CACNA2D3: variants seen among roughly 807,000 people sequenced by gnomAD.
CACNA2D3 encodes calcium voltage-gated channel auxiliary subunit alpha2delta 3.
A neutral mutation model predicts 160.6 loss-of-function variants in CACNA2D3; 60 were observed. The ratio of observed to expected loss-of-function variants is 0.37; its 90% confidence interval spans 0.30 to 0.46. CACNA2D3 has a LOEUF of 0.46. Ranked by LOEUF, CACNA2D3 falls within the 20% of genes least tolerant of loss-of-function variation. CACNA2D3 has a pLI of 1.00. For synonymous variants in CACNA2D3, 558 were observed against 492.9 expected (o/e 1.13, Z -1.75); for missense variants, 1,205 against 1,365.0 (o/e 0.88, Z 1.85).
intron 13 of CACNA2D3, among the ~76,000 whole-genome samples, chr3:54,797,367 G>A (rs1232761733): frequency 2.0e-5 from 3 of 152,180 alleles, no homozygotes; most frequent in Non-Finnish European, 4.4e-5. Flanking sequence ...TGCCCTTGCT[G>A]TGGCCACCTC....
At chr3:55,063,141 C>T (rs1026662538) in intron 35 of CACNA2D3, among the ~76,000 whole-genome samples, 2 of 152,118 alleles carry the variant, frequency 1.3e-5, no homozygotes, top group African/African-American at 4.8e-5. Flanking sequence ...TTGGGGTTCT[C>T]CAAAGGTATG....
At chr3:54,743,188 A>C (rs1387343742) in intron 11 of CACNA2D3, among the ~76,000 whole-genome samples, 6 of 152,220 alleles carry the variant, frequency 3.9e-5, no homozygotes, top group Middle Eastern at 3.2e-3. Flanking sequence ...TGAATTGGGC[A>C]CGGGTGCCTC....
chr3:55,010,561 C>T (rs1703188476), intron 34 of CACNA2D3, among the ~76,000 whole-genome samples: 1 of 152,160 alleles, frequency 6.6e-6, no homozygotes, highest in South Asian at 2.1e-4. Flanking sequence ...CTCAGATACA[C>T]TCTGTTCTTT....
At chr3:54,776,624 T>G (rs17054369) in intron 13 of CACNA2D3, among the ~76,000 whole-genome samples, 2 of 151,064 alleles carry the variant, frequency 1.3e-5, no homozygotes, top group South Asian at 4.2e-4. Context: ...TCTGAAGGAG[T>G]TGGCATTTCT....
intron 2 of CACNA2D3, among the ~76,000 whole-genome samples, chr3:54,249,697 A>ACACACACACC (rs1491291745): frequency 6.9e-6 from 1 of 144,632 alleles, no homozygotes; most frequent in African/African-American, 2.6e-5. Context: ...ACACACACAC[A>ACACACACACC]CCCCTCATCC....
At chr3:54,599,424 G>T (rs1703022631) in intron 9 of CACNA2D3, among the ~76,000 whole-genome samples, 1 of 152,208 alleles carries the variant, frequency 6.6e-6, no homozygotes, top group Admixed American at 6.5e-5. Flanking sequence ...CAGTGTTTCT[G>T]TTAGATGTTG....
intron 11 of CACNA2D3, among the ~76,000 whole-genome samples, chr3:54,678,305 A>G (rs566467181): frequency 3.5e-4 from 53 of 152,340 alleles, no homozygotes; most frequent in African/African-American, 1.0e-3. Flanking sequence ...TGCTGTTTAC[A>G]TAGAAGAAGC....
chr3:54,230,891 A>G (rs1263171785), intron 2 of CACNA2D3, among the ~76,000 whole-genome samples: 1 of 152,256 alleles, frequency 6.6e-6, no homozygotes. Context: ...AAGATTAATT[A>G]AATGATCAAA....
At chr3:55,016,929 A>T (rs1422322270) in intron 34 of CACNA2D3, among the ~76,000 whole-genome samples, 1 of 152,192 alleles carries the variant, frequency 6.6e-6, no homozygotes, top group Non-Finnish European at 1.5e-5. Context: ...GTTGTTACTC[A>T]GCAGTTGTTT....
rs546075562 is a variant in CACNA2D3 at position 54,240,031 on chromosome 3, G to A, written c.205-80411G>A. On this transcript the variant is annotated intron_variant, in intron 2 of 37. Coordinates refer to ENST00000474759, the MANE Select transcript of CACNA2D3 (RefSeq NM_018398.3). ...AGGCCAGGAATAAAGTTTGCATAGG[G>A]AACAGAAGAATACAGTTAAATAACT... Among the ~76,000 whole-genome samples, 4 of 152,292 alleles carry A rather than the reference G, an allele frequency of 2.6e-5. No individual in the cohort carries two copies. The South Asian group carries it at 8.3e-4, about 32-fold the overall frequency.
At chr3:54,350,437 C>G (rs930850264) in intron 3 of CACNA2D3, among the ~76,000 whole-genome samples, 2 of 152,134 alleles carry the variant, frequency 1.3e-5, no homozygotes, top group African/African-American at 4.8e-5. Context: ...TGGCCTTTCT[C>G]TCTCTGGGCT....
intron 4 of CACNA2D3, among the ~76,000 whole-genome samples, chr3:54,412,626 TGACAACC>T (rs1699688566): frequency 4.0e-4 from 53 of 131,308 alleles, no homozygotes; most frequent in Non-Finnish European, 5.4e-4. Context: ...TTTTTTAGTC[TGACAACC>T]TCTGCCTTTT....
chr3:54,580,505 C>A (rs1402566445), intron 8 of CACNA2D3, among the ~76,000 whole-genome samples: 1 of 152,110 alleles, frequency 6.6e-6, no homozygotes, highest in African/African-American at 2.4e-5. Context: ...CCTCTTTGCT[C>A]AAGAGTTAGC....
intron 11 of CACNA2D3, among the ~76,000 whole-genome samples, chr3:54,677,915 T>C (rs1324194784): frequency 6.6e-6 from 1 of 151,910 alleles, no homozygotes; most frequent in African/African-American, 2.4e-5. Flanking sequence ...GGAGGGAAAG[T>C]TGAGTTACCT....
intron 17 of CACNA2D3, among the ~76,000 whole-genome samples, chr3:54,849,684 TC>T: frequency 6.6e-6 from 1 of 152,092 alleles, no homozygotes; most frequent in East Asian, 1.9e-4. Flanking sequence ...TATAATCGAA[TC>T]CTTATTACAA....
chr3:54,846,359 C>G, intron 16 of CACNA2D3, 34 bp from the exon 17 acceptor site: 1 of 1,426,084 alleles, frequency 7.0e-7, no homozygotes, highest in Non-Finnish European at 9.8e-7. Flanking sequence ...AGGGAGCAAG[C>G]TAATGAAGGT....
intron 8 of CACNA2D3, among the ~76,000 whole-genome samples, chr3:54,573,307 G>A (rs1039076367): frequency 1.3e-5 from 2 of 152,106 alleles, no homozygotes; most frequent in African/African-American, 4.8e-5. Context: ...GAAGGCCAAG[G>A]TCATAAAAGA....
chr3:54,312,475 T>C (rs1035988463), intron 2 of CACNA2D3, among the ~76,000 whole-genome samples: 3 of 152,176 alleles, frequency 2.0e-5, no homozygotes, highest in African/African-American at 7.2e-5. Flanking sequence ...GTCTCCTGAC[T>C]GGAGCTCCCT....
At chr3:54,410,705 G>A (rs967152902) in intron 4 of CACNA2D3, among the ~76,000 whole-genome samples, 1 of 152,204 alleles carries the variant, frequency 6.6e-6, no homozygotes, top group Non-Finnish European at 1.5e-5. Flanking sequence ...TGCTGGGGAT[G>A]TACAAAGAGA....
Sources: allele counts gnomAD v4.1 joint callset (sites outside exome capture counted in the v4.1 genomes callset), GRCh38; gene constraint gnomAD v4.1.1; transcripts MANE v1.5; gene names NCBI Gene and HGNC (gene_info 2026-07-23, HGNC 2026-07-21).